The following WDFY4 variants were observed in gnomAD, a reference collection of about 807,000 sequenced individuals.
WDFY4 encodes the protein WDFY family member 4.
Under a neutral mutation model 351.9 loss-of-function variants are expected in WDFY4, and 169 were observed. The ratio of observed to expected loss-of-function variants is 0.48; its 90% CI spans 0.42 to 0.55. The LOEUF is 0.55. WDFY4 is among the 20% of genes least tolerant of loss of function. The pLI, the probability that WDFY4 is intolerant of heterozygous loss-of-function variation, is 0.00. For synonymous variants in WDFY4, 1,622 were observed against 1,574.6 expected, an observed-to-expected ratio of 1.03 and a Z score of -0.71; for missense variants, 3,803 against 3,935.6, an observed-to-expected ratio of 0.97 and a Z score of 0.90.
chr10:48,844,214 G>A (rs568713251), intron 39 of WDFY4, among the ~76,000 whole-genome samples: 2 of 152,330 alleles, frequency 1.3e-5, no homozygotes, highest in East Asian at 3.9e-4. Flanking sequence ...GTTGATGGGG[G>A]TTGATGTAAA....
chr10:48,795,754 G>T (rs189000452), intron 23 of WDFY4, among the ~76,000 whole-genome samples: 1 of 151,932 alleles, frequency 6.6e-6, no homozygotes, highest in Non-Finnish European at 1.5e-5. Context: ...AGACTGACTC[G>T]TGTGGGGCTG....
intron 43 of WDFY4, among the ~76,000 whole-genome samples, chr10:48,889,551 A>G (rs2070604151): frequency 6.6e-6 from 1 of 152,092 alleles, no homozygotes; most frequent in African/African-American, 2.4e-5. Context: ...TGGAATTAGC[A>G]CAAAATTACC....
intron 12 of WDFY4, among the ~76,000 whole-genome samples, chr10:48,757,426 A>G (rs2065369959): frequency 6.6e-6 from 1 of 152,134 alleles, no homozygotes; most frequent in African/African-American, 2.4e-5. Context: ...TGATATGAGT[A>G]GAATTACACC....
intron 47 of WDFY4, among the ~76,000 whole-genome samples, chr10:48,940,579 C>G (rs571086675): frequency 2.1e-4 from 32 of 152,110 alleles, no homozygotes; most frequent in Non-Finnish European, 4.3e-4. Context: ...GCAGGTGGAG[C>G]AGAGAGTATG....
At chr10:48,728,719 G>T (rs1256551591) in intron 7 of WDFY4, among the ~76,000 whole-genome samples, 2 of 152,248 alleles carry the variant, frequency 1.3e-5, no homozygotes, top group African/African-American at 4.8e-5. Flanking sequence ...ATTGGTCTGG[G>T]CTGTGACCAG....
At chr10:48,943,596 C>A in intron 49 of WDFY4, 147 bp downstream of exon 49, 2 of 846,170 alleles carry the variant, frequency 2.4e-6, no homozygotes, top group African/African-American at 1.8e-5. Context: ...AAGCTCAGAT[C>A]TCTTTTTTTT....
rs1432852378 is a variant in WDFY4, at chr10:48,810,611, T to TG, written c.4921dup (p.Val1641GlyfsTer21). 12 of 1,550,536 alleles carry TG rather than the reference T, an allele frequency of 7.7e-6. No individual in the cohort carries two copies. The Admixed American group carries it at 2.4e-4, about 30-fold the overall frequency. ...AGGGCCACCTGCATGCCAGCACCAC[T>TG]GTGCTGGCATTGAAGCTGCTGCTGT... On this transcript the variant is annotated frameshift_variant, in exon 29 of 62. Transcript: ENST00000325239. LOFTEE classifies it high-confidence loss of function.
chr10:48,735,254 G>A (rs749321282), intron 10 of WDFY4, among the ~76,000 whole-genome samples: 1 of 152,014 alleles, frequency 6.6e-6, no homozygotes, highest in African/African-American at 2.4e-5. Flanking sequence ...TCAATCCTGG[G>A]GAAAAAATGC....
At chr10:48,715,340 C>T (rs759819877) in intron 2 of WDFY4, among the ~76,000 whole-genome samples, 14 of 152,244 alleles carry the variant, frequency 9.2e-5, no homozygotes, top group African/African-American at 2.4e-4. Flanking sequence ...TCATGCACAA[C>T]AGGTAACTGG....
chr10:48,715,937 C>T (rs1484007153), intron 2 of WDFY4, among the ~76,000 whole-genome samples: 6 of 151,918 alleles, frequency 3.9e-5, no homozygotes, highest in Admixed American at 2.6e-4. Flanking sequence ...GTGTGAGCCA[C>T]CGCGCCCGGC....
intron 5 of WDFY4, among the ~76,000 whole-genome samples, chr10:48,723,877 C>A (rs996983445): frequency 1.1e-4 from 16 of 152,096 alleles, no homozygotes; most frequent in African/African-American, 3.6e-4. Context: ...TGGGTCCATA[C>A]AAACTGAGGC....
intron 44 of WDFY4, among the ~76,000 whole-genome samples, chr10:48,891,909 C>T (rs1045214912): frequency 3.9e-5 from 6 of 152,172 alleles, no homozygotes; most frequent in Non-Finnish European, 7.4e-5. Flanking sequence ...TAGATGTCAG[C>T]CCACCTTGGT....
chr10:48,977,329 C>G (rs1018345083), intron 59 of WDFY4, among the ~76,000 whole-genome samples: 1 of 152,020 alleles, frequency 6.6e-6, no homozygotes, highest in South Asian at 2.1e-4. Flanking sequence ...ACTTGCCCAC[C>G]CATCCACTAA....
At chr10:48,928,513 A>T (rs1286273253) in intron 47 of WDFY4, among the ~76,000 whole-genome samples, 1 of 152,070 alleles carries the variant, frequency 6.6e-6, no homozygotes, top group Non-Finnish European at 1.5e-5. Context: ...CCTGCAGCCT[A>T]GCGTCCTTAT....
rs978219256 is a variant in WDFY4, at chr10:48,789,759, T to A, written c.3955-115T>A. Reference sequence around the variant, plus strand: ...TTGCTATTCATTCCATGATCATTGCTGATGGAGTGTCAGCACTGGGCCAGG... The same window carrying A: ...TTGCTATTCATTCCATGATCATTGCAGATGGAGTGTCAGCACTGGGCCAGG... On this transcript the variant is annotated intron_variant, in intron 21 of 61. Coordinates refer to ENST00000325239, the MANE Select transcript of WDFY4 (RefSeq NM_001394531.1). 1.7e-5 allele frequency: 15 copies of A among 876,752 alleles called. No homozygotes were observed. The African/African-American group carries it at 1.9e-4, about 11-fold the overall frequency. 54.3% of individuals were successfully genotyped at this position (876,752 alleles called of 1,614,324 possible).
intron 51 of WDFY4, among the ~76,000 whole-genome samples, chr10:48,950,279 A>G (rs1589977584): frequency 1.3e-5 from 2 of 152,180 alleles, no homozygotes; most frequent in African/African-American, 2.4e-5. Context: ...AGCCTCTTAT[A>G]AGTGGAATTA....
intron 47 of WDFY4, among the ~76,000 whole-genome samples, chr10:48,925,782 A>G (rs1380718440): frequency 6.6e-6 from 1 of 152,118 alleles, no homozygotes; most frequent in East Asian, 1.9e-4. Context: ...GGGATTTCTG[A>G]CATCAATTTT....
chr10:48,953,408 C>T (rs1841435995), intron 51 of WDFY4, among the ~76,000 whole-genome samples: 1 of 151,742 alleles, frequency 6.6e-6, no homozygotes, highest in East Asian at 1.9e-4. Context: ...TAGACAAGGG[C>T]ATGGGCGGTT....
chr10:48,946,255 T>A (rs549870969), intron 50 of WDFY4, 98 bp downstream of exon 50: 9 of 945,848 alleles, frequency 9.5e-6, no homozygotes, highest in East Asian at 5.5e-5. Context: ...AGCCTACAAG[T>A]AATTGCATTT....
Sources: allele counts gnomAD v4.1 joint callset (sites outside exome capture counted in the v4.1 genomes callset), GRCh38; gene constraint gnomAD v4.1.1; transcripts MANE v1.5; gene names NCBI Gene and HGNC (gene_info 2026-07-23, HGNC 2026-07-21).